Variants in ZNF804A observed in about 807,000 individuals in gnomAD.
The protein encoded by ZNF804A is zinc finger protein 804A.
Under a neutral mutation model 16.5 loss-of-function variants are expected in ZNF804A, and 2 were observed. That is an observed-to-expected ratio of 0.12 (90% CI 0.05 to 0.38). The LOEUF is 0.38. ZNF804A is among the 10% of genes least tolerant of loss of function. The pLI, the probability that ZNF804A is intolerant of heterozygous loss-of-function variation, is 0.99. For synonymous variants in ZNF804A, 534 were observed against 489.6 expected (o/e 1.09, Z -1.20); for missense variants, 1,473 against 1,390.7 (o/e 1.06, Z -0.94).
At chr2:184,887,304 A>G (rs545162628) in intron 2 of ZNF804A, among the ~76,000 whole-genome samples, 55 of 152,294 alleles carry the variant, frequency 3.6e-4, no homozygotes, top group African/African-American at 1.3e-3. Context: ...TATTGTACAT[A>G]TTGCTATCAG....
intron 1 of ZNF804A, among the ~76,000 whole-genome samples, chr2:184,778,227 C>T (rs367644516): frequency 1.3e-4 from 20 of 151,536 alleles, no homozygotes; most frequent in African/African-American, 4.3e-4. Flanking sequence ...CATTCTGTCA[C>T]GTTATATAAT....
chr2:184,657,507 A>C (rs1692099154), intron 1 of ZNF804A, among the ~76,000 whole-genome samples: 1 of 152,200 alleles, frequency 6.6e-6, no homozygotes, highest in South Asian at 2.1e-4. Context: ...GCTTATTAAA[A>C]GGGATTCTGT....
chr2:184,633,599 G>C (rs1691646042), intron 1 of ZNF804A, among the ~76,000 whole-genome samples: 1 of 152,030 alleles, frequency 6.6e-6, no homozygotes, highest in African/African-American at 2.4e-5. Context: ...TATGTTACTT[G>C]TTTTAAGGAT....
intron 1 of ZNF804A, among the ~76,000 whole-genome samples, chr2:184,697,299 A>G (rs1436190222): frequency 6.6e-6 from 1 of 152,064 alleles, no homozygotes; most frequent in Non-Finnish European, 1.5e-5. Context: ...ATGAAGAGAT[A>G]AGGAAGATGA....
At chr2:184,813,534 G>A (rs773917903) in intron 1 of ZNF804A, among the ~76,000 whole-genome samples, 8 of 152,082 alleles carry the variant, frequency 5.3e-5, no homozygotes, top group Admixed American at 6.6e-5. Flanking sequence ...TGAGTTAAGA[G>A]TTTTTTGAGT....
intron 1 of ZNF804A, among the ~76,000 whole-genome samples, chr2:184,641,033 C>A (rs1328867336): frequency 6.6e-6 from 1 of 152,160 alleles, no homozygotes; most frequent in Non-Finnish European, 1.5e-5. Context: ...TGGCTCACTG[C>A]AACCTCCGCT....
At chr2:184,625,148 G>A (rs1691476114) in intron 1 of ZNF804A, among the ~76,000 whole-genome samples, 1 of 152,016 alleles carries the variant, frequency 6.6e-6, no homozygotes, top group African/African-American at 2.4e-5. Context: ...TGGCAGAAGT[G>A]GGAGGACAAA....
At chr2:184,614,270 T>C (rs1691285266) in intron 1 of ZNF804A, among the ~76,000 whole-genome samples, 1 of 152,142 alleles carries the variant, frequency 6.6e-6, no homozygotes, top group Admixed American at 6.5e-5. Flanking sequence ...TTACACCTTA[T>C]ACAAAAATTA....
At chr2:184,823,598 A>G (rs940764033) in intron 1 of ZNF804A, among the ~76,000 whole-genome samples, 2 of 152,160 alleles carry the variant, frequency 1.3e-5, no homozygotes, top group African/African-American at 4.8e-5. Context: ...TCTACAACAA[A>G]TATGCCATTA....
At chr2:184,676,881 T>C (rs1376433032) in intron 1 of ZNF804A, among the ~76,000 whole-genome samples, 1 of 151,754 alleles carries the variant, frequency 6.6e-6, no homozygotes, top group East Asian at 1.9e-4. Flanking sequence ...AACTGTCTAC[T>C]TCTACTAAAA....
At chr2:184,896,619 A>G (rs986390194) in intron 2 of ZNF804A, among the ~76,000 whole-genome samples, 2 of 151,970 alleles carry the variant, frequency 1.3e-5, no homozygotes, top group Non-Finnish European at 1.5e-5. Flanking sequence ...TATTTTGAAA[A>G]CCTGTACCTT....
At chr2:184,624,521 C>T (rs1691467949) in intron 1 of ZNF804A, among the ~76,000 whole-genome samples, 2 of 152,228 alleles carry the variant, frequency 1.3e-5, no homozygotes, top group Admixed American at 6.5e-5. Context: ...AAAGACTGAG[C>T]ATATGTGCCA....
chr2:184,689,380 G>T (rs1422038193), intron 1 of ZNF804A, among the ~76,000 whole-genome samples: 1 of 151,948 alleles, frequency 6.6e-6, no homozygotes, highest in Non-Finnish European at 1.5e-5. Context: ...TCAAATTTTT[G>T]ACTTATCCTT....
intron 1 of ZNF804A, among the ~76,000 whole-genome samples, chr2:184,625,124 G>A (rs1398192055): frequency 6.6e-6 from 1 of 152,128 alleles, no homozygotes; most frequent in Non-Finnish European, 1.5e-5. Context: ...AAATGAAAAT[G>A]TCAAGAATCA....
In ZNF804A at chr2:184,936,879, G is replaced by A. The variant is rs758837930; in HGVS notation, c.1483G>A (p.Gly495Arg). 11 of 1,613,334 alleles carry A rather than the reference G, an allele frequency of 6.8e-6. No individual in the cohort carries two copies. Among genetic ancestry groups the A allele is most frequent in the East Asian group, 6.7e-5 (3 of 44,834 alleles). Residue 495 changes from glycine to arginine, a missense_variant, in exon 4 of 4, where the codon GGA (glycine) becomes AGA (arginine). Physicochemically the swap from Gly to Arg is moderately radical, Grantham distance 125. Coordinates refer to ENST00000302277, the MANE Select transcript of ZNF804A (RefSeq NM_194250.2). ...SQQKQEDICM[G>R]PLSDYKDVST... ...GCAGAAGCAGGAAGACATTTGCATG[G>A]GACCACTTTCAGATTACAAGGATGT...
chr2:184,761,678 C>A (rs1694038412), intron 1 of ZNF804A, among the ~76,000 whole-genome samples: 2 of 152,056 alleles, frequency 1.3e-5, no homozygotes, highest in Admixed American at 1.3e-4. Flanking sequence ...AAAACAAGTT[C>A]TCAACCTCCA....
chr2:184,675,353 A>G (rs935356233), intron 1 of ZNF804A, among the ~76,000 whole-genome samples: 2 of 151,964 alleles, frequency 1.3e-5, no homozygotes, highest in Admixed American at 6.5e-5. Flanking sequence ...ATATAAAGCA[A>G]TAAATTTGAC....
chr2:184,735,014 T>C (rs182307953), intron 1 of ZNF804A, among the ~76,000 whole-genome samples: 55 of 152,318 alleles, frequency 3.6e-4, no homozygotes, highest in African/African-American at 1.3e-3. Flanking sequence ...TTGCATCATA[T>C]GTCTTTCTCC....
chr2:184,785,192 C>A (rs1193253107), intron 1 of ZNF804A, among the ~76,000 whole-genome samples: 1 of 151,940 alleles, frequency 6.6e-6, no homozygotes, highest in African/African-American at 2.4e-5. Context: ...TCCCCCTGCT[C>A]ACCTATTGCT....
Sources: allele counts gnomAD v4.1 joint callset (sites outside exome capture counted in the v4.1 genomes callset), GRCh38; gene constraint gnomAD v4.1.1; transcripts MANE v1.5; gene names NCBI Gene and HGNC (gene_info 2026-07-23, HGNC 2026-07-21).